P2RY8: variants seen among roughly 807,000 people sequenced by gnomAD.
P2RY8 encodes P2Y receptor family member 8, also known as S-geranylgeranyl-glutathione receptor P2RY8.
P2RY8 carries 6 observed loss-of-function variants against 10.0 expected under a neutral mutation model. That is an observed-to-expected ratio of 0.60 (90% CI 0.33 to 1.19). The LOEUF (loss-of-function observed/expected upper bound fraction) is 1.19, where lower values mean the gene tolerates loss of function less well. Among genes scored for constraint, P2RY8 ranks in the 50% most tolerant of loss-of-function variants. The pLI is 0.04. For missense variants in P2RY8, 456 were observed against 542.0 expected (o/e 0.84, Z 1.58); for synonymous variants, 276 against 252.5 (o/e 1.09, Z -0.88).
rs761952208 is a variant in P2RY8, at chrX:1,502,691, G to A, written c.-25+34230C>T. Among the ~76,000 whole-genome samples the A allele has an allele frequency of 7.9e-5, 12 of 152,326 alleles. No homozygotes were observed. The South Asian group carries it at 8.3e-4, about 11-fold the overall frequency. The stretch of plus-strand genomic sequence containing the variant: ...AAGAGGGTCTTTGCAGATTCATTCC[G>A]TTGTGGATCTTGAGAGAAAATAATC... On this transcript the variant is annotated intron_variant, in intron 1 of 1. Coordinates refer to ENST00000381297, the MANE Select transcript of P2RY8 (RefSeq NM_178129.5).
chrX:1,516,653 C>A (rs1331000313), intron 1 of P2RY8, among the ~76,000 whole-genome samples: 1 of 151,780 alleles, frequency 6.6e-6, no homozygotes. Context: ...GGATCTCAGA[C>A]CTCCAGCTCC....
intron 1 of P2RY8, among the ~76,000 whole-genome samples, chrX:1,487,916 C>T (rs1405991054): frequency 2.6e-5 from 4 of 152,132 alleles, no homozygotes; most frequent in African/African-American, 9.7e-5. Context: ...CGAGACCATC[C>T]TGGCTAACAC....
intron 1 of P2RY8, among the ~76,000 whole-genome samples, chrX:1,467,450 G>A (rs761340436): frequency 1.4e-4 from 21 of 152,266 alleles, no homozygotes; most frequent in African/African-American, 3.9e-4. Context: ...AGTCAGCACC[G>A]CTCCCCACGG....
chrX:1,523,774 C>T (rs2092409884), intron 1 of P2RY8, among the ~76,000 whole-genome samples: 1 of 152,146 alleles, frequency 6.6e-6, no homozygotes, highest in African/African-American at 2.4e-5. Context: ...CTTCCGCCTC[C>T]CGGGTTCAAG....
chrX:1,480,637 C>T (rs746866753), intron 1 of P2RY8, among the ~76,000 whole-genome samples: 1 of 151,908 alleles, frequency 6.6e-6, no homozygotes, highest in East Asian at 1.9e-4. Flanking sequence ...CACATGGACA[C>T]AGGGAGGGGA....
chrX:1,465,176 G>A lies in P2RY8; in HGVS notation c.*303C>T, dbSNP rs1244013327. ...AAAAAAATACAAAAATTAGCCGGGC[G>A]TGGTGACACAAGCTGTCCCCTGACA... is the stretch of plus-strand genomic sequence containing the variant. On this transcript the variant is annotated 3_prime_UTR_variant, in exon 2 of 2. Transcript: ENST00000381297. The A allele has an allele frequency of 1.1e-5, 5 of 468,542 alleles. No homozygotes were observed. Among genetic ancestry groups the A allele is most frequent in the Middle Eastern group, 5.5e-4 (1 of 1,826 alleles). The allele number at this position is 468,542 out of a possible 1,614,324, so 29.0% of individuals were successfully genotyped here.
chrX:1,475,046 G>A (rs1603455779), intron 1 of P2RY8, among the ~76,000 whole-genome samples: 1 of 147,420 alleles, frequency 6.8e-6, no homozygotes, highest in African/African-American at 2.5e-5. Flanking sequence ...TGGATGGGTA[G>A]ATGGATAGAC....
chrX:1,489,616 T>C (rs1393883477), intron 1 of P2RY8, among the ~76,000 whole-genome samples: 2 of 151,944 alleles, frequency 1.3e-5, no homozygotes, highest in African/African-American at 2.4e-5. Context: ...AGGGAACGAA[T>C]GAATGACATC....
chrX:1,501,593 T>TA (rs778111068), intron 1 of P2RY8, among the ~76,000 whole-genome samples: 1 of 151,530 alleles, frequency 6.6e-6, no homozygotes, highest in African/African-American at 2.4e-5. Context: ...ATTTTTATTT[T>TA]TTATTATTAT....
chrX:1,527,241 C>T (rs2092445367), intron 1 of P2RY8, among the ~76,000 whole-genome samples: 1 of 152,124 alleles, frequency 6.6e-6, no homozygotes, highest in Non-Finnish European at 1.5e-5. Flanking sequence ...ATCTGTTCAT[C>T]CGTCCATCTA....
rs553803510 is a variant in P2RY8 at position 1,496,443 on chromosome X, G to A, written c.-24-29861C>T. Among the ~76,000 whole-genome samples, 3 of 152,280 alleles carry A rather than the reference G, an allele frequency of 2.0e-5. No individual in the cohort carries two copies. The South Asian group carries it at 6.2e-4, about 32-fold the overall frequency. ...AGCCCTCCCGGGTGCGACTCCCTGG[G>A]ATCCTGCCCTCTGCCCTCTCAGAGG... On this transcript the variant is annotated intron_variant, in intron 1 of 1. Transcript: ENST00000381297.
chrX:1,465,749 G>C lies in P2RY8; in HGVS notation c.810C>G (p.Ser270Arg). Residue 270 changes from serine to arginine, a missense_variant, in exon 2 of 2, where the codon AGC becomes AGG. Ser to Arg is a moderately radical substitution (Grantham distance 110, BLOSUM62 -1). Coordinates refer to ENST00000381297, the MANE Select transcript of P2RY8 (RefSeq NM_178129.5). ...HIVSRLFYGKSYYHVYKLTLC... is the reference protein window; with the variant it reads ...HIVSRLFYGKRYYHVYKLTLC... ...GCGTGAGCTTGTACACGTGGTAGTA[G>C]CTCTTGCCGTAGAACAGGCGGCTCA... is the stretch of plus-strand genomic sequence containing the variant. The C allele has an allele frequency of 6.2e-7, 1 of 1,613,684 alleles. No homozygotes were observed. Among genetic ancestry groups the C allele is most frequent in the Non-Finnish European group, 8.5e-7 (1 of 1,179,832 alleles).
chrX:1,487,045 C>A (rs1394478675), intron 1 of P2RY8, among the ~76,000 whole-genome samples: 8 of 152,200 alleles, frequency 5.3e-5, no homozygotes, highest in African/African-American at 1.9e-4. Context: ...AGGTCCCTAC[C>A]GGGGTGTCTG....
intron 1 of P2RY8, among the ~76,000 whole-genome samples, chrX:1,518,713 C>T (rs1832855623): frequency 6.6e-6 from 1 of 151,782 alleles, no homozygotes. Flanking sequence ...GTTTGGTTCT[C>T]CCTGGCCGCC....
chrX:1,467,288 T>A (rs1272213798), intron 1 of P2RY8, among the ~76,000 whole-genome samples: 1 of 152,118 alleles, frequency 6.6e-6, no homozygotes, highest in Non-Finnish European at 1.5e-5. Context: ...TCTTTCTTCC[T>A]CCAGAGGAGA....
chrX:1,499,560 T>C (rs1488223735), intron 1 of P2RY8, among the ~76,000 whole-genome samples: 2 of 152,210 alleles, frequency 1.3e-5, no homozygotes, highest in Non-Finnish European at 2.9e-5. Flanking sequence ...GCCCAAACTT[T>C]AATGCAATGT....
intron 1 of P2RY8, among the ~76,000 whole-genome samples, chrX:1,519,868 T>C (rs1473847448): frequency 6.6e-6 from 1 of 151,028 alleles, no homozygotes; most frequent in Non-Finnish European, 1.5e-5. Flanking sequence ...ATCTTCTTGA[T>C]CTCTAATAAT....
chrX:1,505,206 C>G (rs1305858561), intron 1 of P2RY8, among the ~76,000 whole-genome samples: 1 of 151,348 alleles, frequency 6.6e-6, no homozygotes, highest in East Asian at 1.9e-4. Context: ...CAGGGCGTCT[C>G]AGAGGACCTG....
At chrX:1,517,295 A>G (rs1397594436) in intron 1 of P2RY8, among the ~76,000 whole-genome samples, 6 of 151,996 alleles carry the variant, frequency 3.9e-5, no homozygotes, top group African/African-American at 9.6e-5. Flanking sequence ...AGGAGACAGC[A>G]TCTACAAGCC....
Sources: allele counts gnomAD v4.1 joint callset (sites outside exome capture counted in the v4.1 genomes callset), GRCh38; gene constraint gnomAD v4.1.1; transcripts MANE v1.5; gene names NCBI Gene and HGNC (gene_info 2026-07-23, HGNC 2026-07-21).